The following MYO3B variants were observed in gnomAD, a reference collection of about 807,000 sequenced individuals.
The protein encoded by MYO3B is myosin IIIB.
A neutral mutation model predicts 174.6 loss-of-function variants in MYO3B; 156 were observed. That is an observed-to-expected ratio of 0.89 (90% CI 0.78 to 1.02). The LOEUF (loss-of-function observed/expected upper bound fraction) is 1.02. Among genes scored for constraint, MYO3B ranks in the 50% least tolerant of loss-of-function variants. The pLI is 0.00. For missense variants in MYO3B, 1,632 were observed against 1,639.4 expected (o/e 1.00, Z 0.08); for synonymous variants, 563 against 569.1 (o/e 0.99, Z 0.15).
intron 7 of MYO3B, among the ~76,000 whole-genome samples, chr2:170,322,272 T>G (rs1173781326): frequency 6.6e-6 from 1 of 152,228 alleles, no homozygotes; most frequent in African/African-American, 2.4e-5. Context: ...CTCCTTCCTA[T>G]TTCTGTCCCC....
At chr2:170,585,929 G>A (rs1053093310) in intron 32 of MYO3B, among the ~76,000 whole-genome samples, 3 of 152,070 alleles carry the variant, frequency 2.0e-5, no homozygotes, top group African/African-American at 7.2e-5. Context: ...ATGGTGGCGC[G>A]TGCCTGTAGT....
chr2:170,557,796 T>C (rs1344887368), intron 32 of MYO3B, among the ~76,000 whole-genome samples: 3 of 152,140 alleles, frequency 2.0e-5, no homozygotes, highest in Non-Finnish European at 4.4e-5. Flanking sequence ...ATAAGCTTAC[T>C]CCAAAACTCA....
At chr2:170,227,643 T>G (rs907715061) in intron 6 of MYO3B, among the ~76,000 whole-genome samples, 1 of 152,100 alleles carries the variant, frequency 6.6e-6, no homozygotes, top group Non-Finnish European at 1.5e-5. Flanking sequence ...CAGGAACATA[T>G]GACATTCTCA....
chr2:170,300,309 T>C (rs1376451239), intron 7 of MYO3B, among the ~76,000 whole-genome samples: 1 of 152,214 alleles, frequency 6.6e-6, no homozygotes, highest in Non-Finnish European at 1.5e-5. Context: ...ATGAGCTATG[T>C]TCTGGATAGT....
intron 23 of MYO3B, among the ~76,000 whole-genome samples, chr2:170,460,487 C>CAAA (rs36000141): frequency 0.17 from 12,351 of 73,338 alleles, 2,352 homozygotes; most frequent in East Asian, 0.27. Context: ...GACTCCGTCT[C>CAAA]AAAAAAAAAA....
intron 6 of MYO3B, among the ~76,000 whole-genome samples, chr2:170,218,272 A>G (rs1319606939): frequency 6.6e-6 from 1 of 152,154 alleles, no homozygotes; most frequent in East Asian, 1.9e-4. Flanking sequence ...GGATAGGCCC[A>G]TTTTAAAGAA....
chr2:170,598,906 C>T (rs190776157), intron 32 of MYO3B, among the ~76,000 whole-genome samples: 26 of 152,250 alleles, frequency 1.7e-4, no homozygotes, highest in Admixed American at 1.4e-3. Context: ...TATAGTTAAC[C>T]ATTATTGTAA....
chr2:170,595,937 G>T (rs563814414), intron 32 of MYO3B, among the ~76,000 whole-genome samples: 1 of 152,136 alleles, frequency 6.6e-6, no homozygotes, highest in Non-Finnish European at 1.5e-5. Flanking sequence ...TTGCATCTTA[G>T]TGAGGACCTT....
intron 8 of MYO3B, among the ~76,000 whole-genome samples, chr2:170,350,047 G>A (rs1024689712): frequency 3.9e-5 from 6 of 151,964 alleles, no homozygotes; most frequent in Non-Finnish European, 8.8e-5. Context: ...TGTTGCCCAG[G>A]CTGGATTGCA....
At chr2:170,544,925 G>T (rs1690381348) in intron 32 of MYO3B, among the ~76,000 whole-genome samples, 1 of 152,164 alleles carries the variant, frequency 6.6e-6, no homozygotes, top group Admixed American at 6.5e-5. Context: ...TACAAAAAAA[G>T]AGGAGAGAAT....
intron 9 of MYO3B, among the ~76,000 whole-genome samples, chr2:170,377,673 G>A (rs1008157767): frequency 6.6e-6 from 1 of 152,066 alleles, no homozygotes; most frequent in South Asian, 2.1e-4. Flanking sequence ...GCTCCAACTC[G>A]CAAACTCTGT....
chr2:170,306,669 G>A lies in MYO3B; in HGVS notation c.750-28716G>A, dbSNP rs923807415. On this transcript the variant is annotated intron_variant, in intron 7 of 34. Coordinates refer to ENST00000408978, the MANE Select transcript of MYO3B (RefSeq NM_138995.5). The stretch of plus-strand genomic sequence containing the variant: ...CTGAGCCTGTGAGCCCAAAGCCAGC[G>A]TGTCCATCCCCACGTCAGACTAGAA... Among the ~76,000 whole-genome samples the A allele has an allele frequency of 2.1e-4, 29 of 139,574 alleles. No individual in the cohort carries two copies. The Middle Eastern group carries it at 0.018, about 85-fold the overall frequency. The allele number at this position is 139,574 out of a possible 152,430, so 91.6% of individuals were successfully genotyped here. A position where few individuals can be genotyped will look rare whatever the true frequency, so the allele number is the denominator to read the frequency against.
chr2:170,519,866 A>AC (rs1430013363), intron 30 of MYO3B: 1 of 220,956 alleles, frequency 4.5e-6, no homozygotes, highest in African/African-American at 2.3e-5. Flanking sequence ...CCAGCTACTC[A>AC]GGAGGCTGAG....
intron 32 of MYO3B, among the ~76,000 whole-genome samples, chr2:170,577,412 T>A (rs1302064193): frequency 6.6e-6 from 1 of 152,202 alleles, no homozygotes; most frequent in Non-Finnish European, 1.5e-5. Flanking sequence ...CCTGGTTGAA[T>A]GTGTAGGTTG....
intron 9 of MYO3B, among the ~76,000 whole-genome samples, chr2:170,375,980 G>T (rs1318289194): frequency 6.6e-6 from 1 of 152,042 alleles, no homozygotes; most frequent in Non-Finnish European, 1.5e-5. Flanking sequence ...TTAATTTTAT[G>T]CTGGTGTTAC....
intron 9 of MYO3B, among the ~76,000 whole-genome samples, chr2:170,376,580 A>T (rs1428659767): frequency 1.3e-5 from 2 of 149,900 alleles, no homozygotes; most frequent in African/African-American, 2.5e-5. Context: ...TTGAGCCTGC[A>T]CCTTTTTCCT....
In MYO3B at chr2:170,480,216, C is replaced by T. The variant is rs560482301; in HGVS notation, c.3014+13505C>T. ...ACAGAATCCTTCTGCCCTCCTTTCACGGGCCCCAAGGCAAGACTTTAATCT... is the reference window on the plus strand; with the variant it reads ...ACAGAATCCTTCTGCCCTCCTTTCATGGGCCCCAAGGCAAGACTTTAATCT... On this transcript the variant is annotated intron_variant, in intron 25 of 34. Coordinates refer to ENST00000408978, the MANE Select transcript of MYO3B (RefSeq NM_138995.5). Among the ~76,000 whole-genome samples the T allele has an allele frequency of 3.7e-4, 56 of 152,228 alleles. 1 individual carries two copies. The South Asian group carries it at 7.5e-3, about 20-fold the overall frequency.
chr2:170,304,083 C>A (rs80171568), intron 7 of MYO3B, among the ~76,000 whole-genome samples: 2,977 of 152,174 alleles, frequency 0.02, 111 homozygotes, highest in African/African-American at 0.068. Flanking sequence ...AGATTTGGTG[C>A]ATATCATTCT....
intron 30 of MYO3B, among the ~76,000 whole-genome samples, chr2:170,529,330 G>A (rs1486180101): frequency 2.0e-5 from 3 of 151,230 alleles, no homozygotes; most frequent in Non-Finnish European, 4.4e-5. Flanking sequence ...ATAACAAACC[G>A]GAGCATGTAC....
Sources: allele counts gnomAD v4.1 joint callset (sites outside exome capture counted in the v4.1 genomes callset), GRCh38; gene constraint gnomAD v4.1.1; transcripts MANE v1.5; gene names NCBI Gene and HGNC (gene_info 2026-07-23, HGNC 2026-07-21).